LRP6: variants seen among roughly 807,000 people sequenced by gnomAD.
LRP6 encodes LDL receptor related protein 6, also known as low-density lipoprotein receptor-related protein 6.
LRP6 carries 43 observed loss-of-function variants against 184.1 expected under a neutral mutation model. The observed-to-expected ratio is 0.23, with a 90% CI of 0.18 to 0.30. The LOEUF is 0.30. Ranked by LOEUF, LRP6 falls within the 10% of genes least tolerant of loss-of-function variation. LRP6 has a pLI of 1.00. For synonymous variants in LRP6, 719 were observed against 684.9 expected (o/e 1.05, Z -0.78); for missense variants, 1,571 against 2,005.3 (o/e 0.78, Z 4.14).
At chr12:12,231,985 C>T (rs914500661) in intron 2 of LRP6, among the ~76,000 whole-genome samples, 9 of 150,090 alleles carry the variant, frequency 6.0e-5, no homozygotes, top group Admixed American at 4.6e-4. Context: ...ACTGACGAAG[C>T]GAGACCCTGC....
intron 12 of LRP6, among the ~76,000 whole-genome samples, chr12:12,154,162 A>T (rs1303385662): frequency 6.6e-6 from 1 of 152,188 alleles, no homozygotes; most frequent in Non-Finnish European, 1.5e-5. Flanking sequence ...TATTCACTTC[A>T]TTCCAGCAAC....
chr12:12,159,123 G>A lies in LRP6; in HGVS notation c.2497C>T (p.Pro833Ser). Residue 833 changes from proline (P) to serine (S), a missense_variant, in exon 12 of 23, where the codon CCT (proline) becomes TCT (serine). This residue lies in a region of LRP6 where 158 missense variants were observed against 258.4 expected (regional missense o/e 0.61). Coordinates refer to ENST00000261349, the MANE Select transcript of LRP6 (RefSeq NM_002336.3). Reference protein sequence around the residue: ...LNREVIADDLPHPFGLTQYQD... With the variant: ...LNREVIADDLSHPFGLTQYQD... ...TACTGAGTTAAGCCAAAAGGATGAG[G>A]CAAGTCATCTGCTATAACTTCACGG... is the stretch of plus-strand genomic sequence containing the variant. 6.2e-7 allele frequency: 1 copy of A among 1,614,084 alleles called. No individual in the cohort carries two copies. The highest frequency in any genetic ancestry group is 1.1e-5 in the South Asian group (1 of 91,074).
chr12:12,261,067 AG>A (rs1471801223), intron 1 of LRP6, among the ~76,000 whole-genome samples: 4 of 152,216 alleles, frequency 2.6e-5, no homozygotes, highest in Non-Finnish European at 5.9e-5. Context: ...ATAAGGACAC[AG>A]TAGTTCAGTA....
intron 2 of LRP6, chr12:12,211,002 C>T (rs1864194680): frequency 6.6e-6 from 1 of 152,202 alleles, no homozygotes; most frequent in Admixed American, 6.5e-5. Context: ...GGACCTACTT[C>T]TGCACTTCCC....
intron 2 of LRP6, among the ~76,000 whole-genome samples, chr12:12,209,960 G>A (rs2137057538): frequency 6.6e-6 from 1 of 152,264 alleles, no homozygotes; most frequent in East Asian, 1.9e-4. Context: ...GAGAAAGTAT[G>A]TATTTTACTT....
At chr12:12,231,715 A>G (rs1299527746) in intron 2 of LRP6, among the ~76,000 whole-genome samples, 2 of 151,522 alleles carry the variant, frequency 1.3e-5, no homozygotes, top group Non-Finnish European at 2.9e-5. Flanking sequence ...TTTAAACAAC[A>G]ACAAAAAAAA....
intron 2 of LRP6, among the ~76,000 whole-genome samples, chr12:12,219,565 GA>G (rs1039958602): frequency 1.3e-5 from 2 of 152,052 alleles, no homozygotes; most frequent in Non-Finnish European, 2.9e-5. Flanking sequence ...TAGAAAGGGG[GA>G]AAAAATACAA....
intron 2 of LRP6, among the ~76,000 whole-genome samples, chr12:12,228,347 C>A (rs549618178): frequency 1.3e-5 from 2 of 152,010 alleles, no homozygotes; most frequent in East Asian, 3.9e-4. Context: ...CTAGGTGACA[C>A]AGCGAGGCTC....
At position 12,119,997 on chromosome 12, in the gene LRP6, A is replaced by C. The variant is rs1319144087; in HGVS notation, c.*1129T>G. On this transcript the variant is annotated 3_prime_UTR_variant, in exon 23 of 23. Coordinates refer to ENST00000261349, the MANE Select transcript of LRP6 (RefSeq NM_002336.3). ...AAACAAACAAACAAACAAAATATAT[A>C]TATATATATATATATATATATATAT... The C allele has an allele frequency of 2.8e-5, 1 of 35,402 alleles. No individual in the cohort carries two copies. Among genetic ancestry groups the C allele is most frequent in the Non-Finnish European group, 5.8e-5 (1 of 17,160 alleles). 2.2% of individuals were successfully genotyped at this position (35,402 alleles called of 1,614,324 possible).
At chr12:12,175,298 G>A (rs1385642625) in intron 7 of LRP6, among the ~76,000 whole-genome samples, 6 of 151,604 alleles carry the variant, frequency 4.0e-5, no homozygotes, top group Non-Finnish European at 8.8e-5. Context: ...CTGGGGCAGG[G>A]GTATCACTTG....
At chr12:12,198,839 T>C (rs1327172797) in intron 3 of LRP6, among the ~76,000 whole-genome samples, 1 of 152,142 alleles carries the variant, frequency 6.6e-6, no homozygotes, top group Non-Finnish European at 1.5e-5. Context: ...ATTTTTCTAA[T>C]CTTATGTTAT....
chr12:12,148,088 ATATC>A (rs1389006774), intron 14 of LRP6, among the ~76,000 whole-genome samples: 3 of 150,570 alleles, frequency 2.0e-5, no homozygotes, highest in Admixed American at 6.6e-5. Context: ...AAATATATAC[ATATC>A]TATTTATATA....
intron 2 of LRP6, among the ~76,000 whole-genome samples, chr12:12,213,667 T>C (rs1241328482): frequency 6.6e-6 from 1 of 152,126 alleles, no homozygotes; most frequent in Non-Finnish European, 1.5e-5. Context: ...ATCTGAAGTA[T>C]GACATGAGAT....
chr12:12,241,958 G>A (rs1341265880), intron 2 of LRP6, among the ~76,000 whole-genome samples: 2 of 152,280 alleles, frequency 1.3e-5, no homozygotes, highest in Admixed American at 1.3e-4. Flanking sequence ...TACTTCAGAA[G>A]ATACTTATCA....
chr12:12,198,334 T>C (rs1266587365), intron 3 of LRP6, among the ~76,000 whole-genome samples: 6 of 152,146 alleles, frequency 3.9e-5, no homozygotes, highest in Admixed American at 3.9e-4. Flanking sequence ...TTGCCTATCT[T>C]CAGTATTTAT....
chr12:12,184,165 G>A (rs1863412551), intron 4 of LRP6, 54 bp from the exon 5 acceptor site: 1 of 1,524,570 alleles, frequency 6.6e-7, no homozygotes, highest in Admixed American at 1.7e-5. Context: ...GTACACAAAG[G>A]TTAACAACCA....
chr12:12,177,572 T>A (rs983749219), intron 7 of LRP6, among the ~76,000 whole-genome samples: 4 of 152,152 alleles, frequency 2.6e-5, no homozygotes, highest in Non-Finnish European at 4.4e-5. Flanking sequence ...TTCTTTAGTT[T>A]GCCAAGTATC....
At chr12:12,169,156 G>C (rs750164527) in intron 7 of LRP6, among the ~76,000 whole-genome samples, 6 of 152,014 alleles carry the variant, frequency 3.9e-5, no homozygotes, top group Non-Finnish European at 8.8e-5. Context: ...TTAAACCCGG[G>C]AGGCAGAGGT....
rs552640737 is a variant in LRP6 at position 12,184,733 on chromosome 12, C to G, written c.845-622G>C. ...GATTAAAGTGAAGGACACTGAAAGC[C>G]AAGAAAAGTAATTATGTTGAAAAGT... is the stretch of plus-strand genomic sequence containing the variant. On this transcript the variant is annotated intron_variant, in intron 4 of 22. Coordinates refer to ENST00000261349, the MANE Select transcript of LRP6 (RefSeq NM_002336.3). Among the ~76,000 whole-genome samples the G allele has an allele frequency of 5.3e-5, 8 of 151,924 alleles. No homozygotes were observed. In the South Asian group the frequency reaches 1.5e-3, roughly 28 times the overall value.
Sources: gnomAD v4.1 joint callset for allele counts (sites outside exome capture counted in the v4.1 genomes callset) on GRCh38, gnomAD v4.1.1 for gene constraint, gnomAD v4.1.1 regional missense constraint, MANE v1.5 for transcripts, NCBI Gene and HGNC (gene_info 2026-07-23, HGNC 2026-07-21) for gene names.